The following TMTC2 variants were observed in gnomAD, a reference collection of about 807,000 sequenced individuals.
TMTC2 encodes the protein transmembrane O-mannosyltransferase targeting cadherins 2.
Under a neutral mutation model 82.4 loss-of-function variants are expected in TMTC2, and 43 were observed. That is an observed-to-expected ratio of 0.52 (90% confidence interval 0.41 to 0.67). TMTC2 has a LOEUF of 0.67. Ranked by LOEUF, TMTC2 falls within the 30% of genes least tolerant of loss-of-function variation. The pLI, the probability that TMTC2 is intolerant of heterozygous loss-of-function variation, is 0.00. For missense variants in TMTC2, 919 were observed against 1,012.4 expected (o/e 0.91, Z 1.25); for synonymous variants, 408 against 381.9 (o/e 1.07, Z -0.80).
chr12:82,985,460 G>A (rs1244703941), intron 7 of TMTC2, among the ~76,000 whole-genome samples: 1 of 152,084 alleles, frequency 6.6e-6, no homozygotes, highest in Non-Finnish European at 1.5e-5. Flanking sequence ...TTCTCAAAAA[G>A]GTAAGTCATT....
intron 2 of TMTC2, among the ~76,000 whole-genome samples, chr12:82,859,067 A>ATTTT (rs1224587372): frequency 2.3e-5 from 3 of 130,500 alleles, no homozygotes; most frequent in African/African-American, 8.5e-5. Flanking sequence ...AAATATTGTG[A>ATTTT]TTTTTTTTTT....
intron 2 of TMTC2, among the ~76,000 whole-genome samples, chr12:82,892,399 T>C (rs1873442829): frequency 6.6e-6 from 1 of 152,218 alleles, no homozygotes; most frequent in South Asian, 2.1e-4. Context: ...CTTTTTAGCA[T>C]AATAAATGCA....
At chr12:83,114,846 G>T (rs547832375) in intron 11 of TMTC2, among the ~76,000 whole-genome samples, 3 of 151,288 alleles carry the variant, frequency 2.0e-5, no homozygotes, top group African/African-American at 7.3e-5. Context: ...TTATATATAT[G>T]TATATATCTG....
At chr12:82,819,955 A>C (rs926907684) in intron 1 of TMTC2, among the ~76,000 whole-genome samples, 19 of 152,296 alleles carry the variant, frequency 1.2e-4, no homozygotes, top group African/African-American at 4.6e-4. Flanking sequence ...ACTGAGGAGC[A>C]AGGAAGCTAG....
At chr12:82,852,021 AT>A (rs1214855756) in intron 1 of TMTC2, among the ~76,000 whole-genome samples, 9 of 152,258 alleles carry the variant, frequency 5.9e-5, no homozygotes, top group African/African-American at 2.2e-4. Context: ...AGGAAAAATC[AT>A]AAGGCAACAA....
chr12:82,747,123 A>G (rs941943801), intron 1 of TMTC2, among the ~76,000 whole-genome samples: 6 of 152,204 alleles, frequency 3.9e-5, no homozygotes, highest in Non-Finnish European at 8.8e-5. Flanking sequence ...GTTTTGTCCT[A>G]AGCCTCTACC....
intron 1 of TMTC2, among the ~76,000 whole-genome samples, chr12:82,849,579 G>A (rs1031603244): frequency 2.6e-5 from 4 of 152,122 alleles, no homozygotes; most frequent in African/African-American, 9.7e-5. Flanking sequence ...GATATTCAAT[G>A]ATGAGACTGT....
At chr12:83,014,549 G>A (rs1247896599) in intron 8 of TMTC2, among the ~76,000 whole-genome samples, 1 of 152,120 alleles carries the variant, frequency 6.6e-6, no homozygotes, top group South Asian at 2.1e-4. Context: ...ATGTTGCCCA[G>A]GCTGGTTCCA....
chr12:82,931,565 T>C (rs1876032304), intron 4 of TMTC2, among the ~76,000 whole-genome samples: 2 of 152,218 alleles, frequency 1.3e-5, no homozygotes, highest in Non-Finnish European at 2.9e-5. Flanking sequence ...TTAAGCTTGC[T>C]TGAACACACC....
At chr12:83,066,095 C>A (rs185596709) in intron 11 of TMTC2, among the ~76,000 whole-genome samples, 1 of 151,954 alleles carries the variant, frequency 6.6e-6, no homozygotes, top group Non-Finnish European at 1.5e-5. Flanking sequence ...AATGTACAAT[C>A]TAATGTGGGG....
intron 1 of TMTC2, among the ~76,000 whole-genome samples, chr12:82,790,646 T>A (rs1878425043): frequency 6.6e-6 from 1 of 151,592 alleles, no homozygotes; most frequent in Admixed American, 6.6e-5. Flanking sequence ...CTGGCCATGG[T>A]GAAACCCCGT....
intron 1 of TMTC2, among the ~76,000 whole-genome samples, chr12:82,735,363 T>TTG (rs1875031636): frequency 6.6e-6 from 1 of 151,316 alleles, no homozygotes; most frequent in Non-Finnish European, 1.5e-5. Context: ...TTTTTTTTTT[T>TTG]GAGACAGAGT....
Position 83,126,587 on chromosome 12 carries a change from G to A in TMTC2, c.2332-5623G>A, listed in dbSNP as rs17664640. ...AGGGCCTGAACCAAGTTGGACAAAA[G>A]GGGTAGGATAAAATTCGAAGACAGA... is the stretch of plus-strand genomic sequence containing the variant. On this transcript the variant is annotated intron_variant, in intron 11 of 11. Transcript: ENST00000321196. 1.1e-3 allele frequency among the ~76,000 whole-genome samples: 163 copies of A among 152,188 alleles called. 1 individual carries two copies. In the East Asian group the frequency reaches 0.024, roughly 22 times the overall value.
At chr12:82,971,411 T>C (rs1878441536) in intron 7 of TMTC2, among the ~76,000 whole-genome samples, 1 of 152,146 alleles carries the variant, frequency 6.6e-6, no homozygotes, top group Admixed American at 6.5e-5. Flanking sequence ...TTAAAATTTT[T>C]TTAATGCAGG....
intron 10 of TMTC2, among the ~76,000 whole-genome samples, chr12:83,052,309 T>C (rs1478870396): frequency 1.3e-5 from 2 of 152,140 alleles, no homozygotes; most frequent in Non-Finnish European, 2.9e-5. Context: ...TTTAGTTGAA[T>C]GTCATAATTC....
intron 1 of TMTC2, among the ~76,000 whole-genome samples, chr12:82,787,581 A>G (rs1377985203): frequency 1.3e-5 from 2 of 152,092 alleles, no homozygotes; most frequent in African/African-American, 2.4e-5. Flanking sequence ...GTATTTCTGT[A>G]ATACTCTTAG....
At chr12:82,779,092 C>A (rs12814674) in intron 1 of TMTC2, among the ~76,000 whole-genome samples, 1 of 151,090 alleles carries the variant, frequency 6.6e-6, no homozygotes, top group Non-Finnish European at 1.5e-5. Context: ...CTGAGTAGCT[C>A]TCTGGGCAAA....
chr12:82,847,782 C>T (rs1035949462), intron 1 of TMTC2, among the ~76,000 whole-genome samples: 8 of 151,336 alleles, frequency 5.3e-5, no homozygotes, highest in South Asian at 2.1e-4. Flanking sequence ...ACATTACACA[C>T]GGGGGCCTGT....
At chr12:83,125,662 T>A (rs1280860748) in intron 11 of TMTC2, among the ~76,000 whole-genome samples, 1 of 152,170 alleles carries the variant, frequency 6.6e-6, no homozygotes, top group Non-Finnish European at 1.5e-5. Context: ...GAATAGAAAA[T>A]CTGAAATTTG....
Sources: gnomAD v4.1 joint callset for allele counts (sites outside exome capture counted in the v4.1 genomes callset) on GRCh38, gnomAD v4.1.1 for gene constraint, MANE v1.5 for transcripts, NCBI Gene and HGNC (gene_info 2026-07-23, HGNC 2026-07-21) for gene names.